The following IL1RAPL1 variants were observed in gnomAD, a reference collection of about 807,000 sequenced individuals.
The protein encoded by IL1RAPL1 is interleukin 1 receptor accessory protein like 1, also known as interleukin-1 receptor accessory protein-like 1.
In IL1RAPL1, 3 loss-of-function variants were observed where a neutral mutation model predicts 48.4. The ratio of observed to expected loss-of-function variants is 0.06; its 90% CI spans 0.03 to 0.16. The LOEUF (loss-of-function observed/expected upper bound fraction) is 0.16, where lower values mean the gene tolerates loss of function less well. IL1RAPL1 is among the 10% of genes least tolerant of loss of function. The pLI, the probability that IL1RAPL1 is intolerant of heterozygous loss-of-function variation, is 1.00. For missense variants in IL1RAPL1, 349 were observed against 530.6 expected, an observed-to-expected ratio of 0.66 and a Z score of 3.36; for synonymous variants, 185 against 187.7, an observed-to-expected ratio of 0.99 and a Z score of 0.12.
At chrX:29,513,369 TCTC>T (rs1308100565) in intron 5 of IL1RAPL1, among the ~76,000 whole-genome samples, 1 of 111,698 alleles carries the variant, frequency 9.0e-6, no homozygotes, top group African/African-American at 3.2e-5. Context: ...CATTAGAAAG[TCTC>T]CTATCATATT....
At chrX:29,533,479 T>C (rs1189961997) in intron 5 of IL1RAPL1, among the ~76,000 whole-genome samples, 1 of 112,731 alleles carries the variant, frequency 8.9e-6, no homozygotes, top group Non-Finnish European at 1.9e-5. Context: ...TATGGATATA[T>C]CACATTTTAT....
chrX:29,264,368 A>G (rs1175154511), intron 2 of IL1RAPL1, among the ~76,000 whole-genome samples: 1 of 111,204 alleles, frequency 9.0e-6, no homozygotes, highest in Non-Finnish European at 1.9e-5. Context: ...ATTTCCCATA[A>G]GTAACACACT....
At chrX:29,223,613 C>T (rs1408267315) in intron 2 of IL1RAPL1, among the ~76,000 whole-genome samples, 1 of 106,862 alleles carries the variant, frequency 9.4e-6, no homozygotes, top group Admixed American at 1.0e-4. Flanking sequence ...GGTGCGATCT[C>T]GGCTCACTGC....
chrX:29,559,219 G>T (rs1010116536), intron 5 of IL1RAPL1, among the ~76,000 whole-genome samples: 4 of 111,678 alleles, frequency 3.6e-5, no homozygotes, highest in African/African-American at 1.3e-4. Flanking sequence ...AATTCAGTTT[G>T]CTAGTATTCT....
intron 6 of IL1RAPL1, among the ~76,000 whole-genome samples, chrX:29,729,816 A>G (rs1927870703): frequency 8.9e-6 from 1 of 111,801 alleles, no homozygotes; most frequent in African/African-American, 3.2e-5. Flanking sequence ...CTCCCCAGAC[A>G]TGTCACCTAT....
At chrX:29,066,085 T>A (rs892977641) in intron 2 of IL1RAPL1, among the ~76,000 whole-genome samples, 2 of 112,048 alleles carry the variant, frequency 1.8e-5, no homozygotes, top group Admixed American at 9.5e-5. Flanking sequence ...GGGAACACTT[T>A]TTTCTTTCTT....
chrX:28,666,628 A>G (rs1390950553), intron 1 of IL1RAPL1, among the ~76,000 whole-genome samples: 1 of 112,108 alleles, frequency 8.9e-6, no homozygotes, highest in African/African-American at 3.2e-5. Context: ...ACAAACACAC[A>G]TAAAACTTTC....
intron 5 of IL1RAPL1, among the ~76,000 whole-genome samples, chrX:29,624,846 CA>C (rs1286730133): frequency 4.5e-5 from 5 of 110,445 alleles, no homozygotes; most frequent in East Asian, 2.8e-4. Flanking sequence ...GACCCTGTCT[CA>C]AAAAAATATT....
chrX:29,180,659 G>A (rs1288694284), intron 2 of IL1RAPL1, among the ~76,000 whole-genome samples: 4 of 111,350 alleles, frequency 3.6e-5, no homozygotes, highest in African/African-American at 1.3e-4. Context: ...TTACAGATGT[G>A]AGCCACCACA....
intron 2 of IL1RAPL1, among the ~76,000 whole-genome samples, chrX:29,099,807 G>A (rs185048180): frequency 2.7e-5 from 3 of 111,675 alleles, no homozygotes; most frequent in Non-Finnish European, 5.6e-5. Flanking sequence ...TGTTAGACAC[G>A]TTTTCTCCAT....
intron 5 of IL1RAPL1, among the ~76,000 whole-genome samples, chrX:29,662,965 A>G (rs893359717): frequency 9.0e-6 from 1 of 111,462 alleles, no homozygotes; most frequent in South Asian, 3.8e-4. Flanking sequence ...AAAATAGAGC[A>G]CCCCTTTCAC....
chrX:28,991,008 C>T (rs749773966), intron 2 of IL1RAPL1, among the ~76,000 whole-genome samples: 37 of 111,549 alleles, frequency 3.3e-4, no homozygotes, highest in African/African-American at 1.0e-3. Flanking sequence ...AATATAAATG[C>T]TTTCTTAATG....
At position 29,260,621 on chromosome X, in the gene IL1RAPL1, T is replaced by C. The variant is rs186570166; in HGVS notation, c.83-22317T>C. 1.1e-4 allele frequency among the ~76,000 whole-genome samples: 12 copies of C among 111,639 alleles called. No homozygotes were observed. In the East Asian group the frequency reaches 1.4e-3, roughly 13 times the overall value. ...AGGTGAGATTTGAGTGGGGACACAG[T>C]CAAACCACACCAATCACGTCGGTAA... On this transcript the variant is annotated intron_variant, in intron 2 of 10. Transcript: ENST00000378993.
chrX:29,560,535 ATTC>A (rs760777090), intron 5 of IL1RAPL1, among the ~76,000 whole-genome samples: 1 of 111,521 alleles, frequency 9.0e-6, no homozygotes, highest in African/African-American at 3.3e-5. Flanking sequence ...GAAGCTCTAA[ATTC>A]TGTAGGCCTT....
chrX:29,585,859 A>T (rs377533543), intron 5 of IL1RAPL1, among the ~76,000 whole-genome samples: 1 of 108,313 alleles, frequency 9.2e-6, no homozygotes, highest in African/African-American at 3.5e-5. Context: ...TAAAAATTAG[A>T]TTACTAGTGT....
At chrX:29,222,640 G>A (rs1191334013) in intron 2 of IL1RAPL1, among the ~76,000 whole-genome samples, 4 of 111,665 alleles carry the variant, frequency 3.6e-5, no homozygotes, top group African/African-American at 6.5e-5. Flanking sequence ...CTAAGACAGC[G>A]GAAATGGGTC....
chrX:28,879,898 G>T (rs1172476658), intron 2 of IL1RAPL1, among the ~76,000 whole-genome samples: 1 of 111,440 alleles, frequency 9.0e-6, no homozygotes, highest in Non-Finnish European at 1.9e-5. Flanking sequence ...GAATGAACAG[G>T]ACCCTAAGGC....
chrX:29,064,339 A>G (rs765773811), intron 2 of IL1RAPL1, among the ~76,000 whole-genome samples: 2 of 111,486 alleles, frequency 1.8e-5, no homozygotes, highest in African/African-American at 6.5e-5. Context: ...TGGGAATATG[A>G]TTATGCTGAA....
chrX:28,737,020 G>A (rs1935833939), intron 1 of IL1RAPL1, among the ~76,000 whole-genome samples: 1 of 110,350 alleles, frequency 9.1e-6, no homozygotes, highest in Non-Finnish European at 1.9e-5. Flanking sequence ...AGGAGACTTG[G>A]AGGGGCTGCT....
Sources: gnomAD v4.1 joint callset for allele counts (sites outside exome capture counted in the v4.1 genomes callset) on GRCh38, gnomAD v4.1.1 for gene constraint, MANE v1.5 for transcripts, NCBI Gene and HGNC (gene_info 2026-07-23, HGNC 2026-07-21) for gene names.